FBN1: variants seen among roughly 807,000 people sequenced by gnomAD.
The protein encoded by FBN1 is fibrillin-1.
Under a neutral mutation model 365.1 loss-of-function variants are expected in FBN1, and 29 were observed. That is an observed-to-expected ratio of 0.08 (90% CI 0.06 to 0.11). The LOEUF is 0.11. Among genes scored for constraint, FBN1 ranks in the 10% least tolerant of loss-of-function variants. The pLI is 1.00. For missense variants in FBN1, 2,476 were observed against 3,703.2 expected (o/e 0.67, Z 8.60); for synonymous variants, 1,210 against 1,270.5 (o/e 0.95, Z 1.01).
intron 6 of FBN1, among the ~76,000 whole-genome samples, chr15:48,584,152 G>T (rs183342934): frequency 9.9e-5 from 15 of 152,208 alleles, no homozygotes; most frequent in Admixed American, 9.2e-4. Flanking sequence ...TGTATTATGT[G>T]CCAGATCCTG....
chr15:48,469,276 T>C (rs924749785), intron 36 of FBN1, among the ~76,000 whole-genome samples: 2 of 151,892 alleles, frequency 1.3e-5, no homozygotes, highest in African/African-American at 4.8e-5. Context: ...ATGTGGCTTG[T>C]TATTTCATCA....
In FBN1 at chr15:48,474,310, T is replaced by G; in HGVS notation, c.4155A>C (p.Gly1385=). 6.2e-7 allele frequency: 1 copy of G among 1,614,112 alleles called. No homozygotes were observed. The change falls in exon 34 of 66, where the codon GGA becomes GGC. Residue 1385 remains glycine (G), a synonymous_variant. Transcript: ENST00000316623. ...SQHADCKNTM[G]SYRCLCKEGY... ...CTTCCTTGCACAGACAGCGGTAAGA[T>G]CCCATGGTATTCTTGCAGTCTGCAT...
Position 48,470,768 on chromosome 15 carries a change from G to T in FBN1, c.4337-12C>A. On this transcript the variant is annotated splice_polypyrimidine_tract_variant and intron_variant, in intron 35 of 65. Coordinates refer to ENST00000316623, the MANE Select transcript of FBN1 (RefSeq NM_000138.5). Reference sequence around the variant, plus strand: ...GCACTCATCAATATCTTGGGGGGAGGGAGAAAAAAGCAAAAAACTTAACTT... The same window carrying T: ...GCACTCATCAATATCTTGGGGGGAGTGAGAAAAAAGCAAAAAACTTAACTT... 1.9e-6 allele frequency: 3 copies of T among 1,613,242 alleles called. No homozygotes were observed. The highest frequency in any genetic ancestry group is 2.5e-6 in the Non-Finnish European group (3 of 1,179,764).
intron 44 of FBN1, among the ~76,000 whole-genome samples, chr15:48,456,307 C>T (rs2043237701): frequency 1.3e-5 from 2 of 152,192 alleles, no homozygotes; most frequent in Admixed American, 1.3e-4. Flanking sequence ...ACTGTCCACT[C>T]ATACTGATTT....
intron 6 of FBN1, among the ~76,000 whole-genome samples, chr15:48,543,309 T>C (rs1821362894): frequency 6.6e-6 from 1 of 152,144 alleles, no homozygotes; most frequent in African/African-American, 2.4e-5. Flanking sequence ...CTGCAGCTTG[T>C]ATCTGAGTGG....
At chr15:48,474,477 G>T in intron 33 of FBN1, 51 bp downstream of exon 33, 1 of 1,613,664 alleles carries the variant, frequency 6.2e-7, no homozygotes. Context: ...ATTTTCATAT[G>T]TGTAATCTAT....
At chr15:48,579,558 A>T (rs925257916) in intron 6 of FBN1, among the ~76,000 whole-genome samples, 2 of 152,166 alleles carry the variant, frequency 1.3e-5, no homozygotes, top group African/African-American at 4.8e-5. Flanking sequence ...GGACATCTGG[A>T]ATAGCTCAGG....
chr15:48,516,525 C>T (rs1021683129), intron 10 of FBN1, among the ~76,000 whole-genome samples, 163 bp from the exon 11 acceptor site: 2 of 152,140 alleles, frequency 1.3e-5, no homozygotes, highest in Non-Finnish European at 2.9e-5. Flanking sequence ...TGACTGGATT[C>T]CCATTTTTAA....
chr15:48,488,453 G>A lies in FBN1; in HGVS notation c.3123C>T (p.His1041=), dbSNP rs576395584. The A allele has an allele frequency of 1.4e-5, 23 of 1,614,006 alleles. No individual in the cohort carries two copies. The highest frequency in any genetic ancestry group is 5.0e-5 in the Admixed American group (3 of 59,998). Residue 1041 remains histidine (H), a synonymous_variant, in exon 26 of 66, where the codon CAC becomes CAT. Coordinates refer to ENST00000316623, the MANE Select transcript of FBN1 (RefSeq NM_000138.5). ...ECKMIPSLCT[H]GKCRNTIGSF... ...TGCCAATGGTGTTTCTGCACTTGCC[G>A]TGGGTGCAGAGGCTGGGTATCATCT...
intron 50 of FBN1, among the ~76,000 whole-genome samples, chr15:48,441,075 A>G (rs1315873956): frequency 6.6e-6 from 1 of 152,208 alleles, no homozygotes; most frequent in Admixed American, 6.5e-5. Context: ...AGAAAAGTCT[A>G]AACAGTTTTC....
Position 48,472,640 on chromosome 15 carries a change from C to A in FBN1, c.4247G>T (p.Gly1416Val), listed in dbSNP as rs776586521. 2 of 1,614,068 alleles carry A rather than the reference C, an allele frequency of 1.2e-6. No individual in the cohort carries two copies. Among genetic ancestry groups the A allele is most frequent in the South Asian group, 1.1e-5 (1 of 91,090 alleles). The change falls in exon 35 of 66, where the codon GGC becomes GTC. Residue 1416 changes from glycine (G) to valine (V), a missense_variant. Transcript: ENST00000316623. Reference protein sequence around the residue: ...DECSENLNLCGNGQCLNAPGG... With the variant: ...DECSENLNLCVNGQCLNAPGG... ...TGGTGCATTGAGGCACTGGCCATTG[C>A]CACAGAGATTCAGGTTCTCAGAGCA...
At chr15:48,604,929 C>G (rs180993535) in intron 4 of FBN1, among the ~76,000 whole-genome samples, 1 of 152,274 alleles carries the variant, frequency 6.6e-6, no homozygotes, top group Admixed American at 6.5e-5. Flanking sequence ...ACAAATGCCC[C>G]AAACTCTTGC....
chr15:48,579,713 C>T (rs1179625030), intron 6 of FBN1, among the ~76,000 whole-genome samples: 1 of 152,172 alleles, frequency 6.6e-6, no homozygotes, highest in Non-Finnish European at 1.5e-5. Context: ...AGTGAAAAAG[C>T]TACTAAGTTA....
At chr15:48,528,286 A>C (rs1328898447) in intron 8 of FBN1, among the ~76,000 whole-genome samples, 2 of 152,232 alleles carry the variant, frequency 1.3e-5, no homozygotes, top group Non-Finnish European at 2.9e-5. Context: ...CATTGGCAGA[A>C]TGGGGGAAAC....
chr15:48,499,639 A>T (rs1201253991), intron 17 of FBN1, among the ~76,000 whole-genome samples: 1 of 152,226 alleles, frequency 6.6e-6, no homozygotes, highest in Non-Finnish European at 1.5e-5. Flanking sequence ...GTGAGATCAT[A>T]TTGAAAAAAC....
chr15:48,634,891 A>C (rs1890066424), intron 2 of FBN1, among the ~76,000 whole-genome samples: 1 of 149,580 alleles, frequency 6.7e-6, no homozygotes, highest in African/African-American at 2.5e-5. Context: ...ACACACACAC[A>C]CACACACACA....
rs541702535 is a variant in FBN1, at chr15:48,533,200, A to T, written c.862+880T>A. On this transcript the variant is annotated intron_variant, in intron 8 of 65. Transcript: ENST00000316623. ...CAGCATCTGTTTTCAATAAAAATGC[A>T]TCCATCTAAGTGAAACCTCAAGGTG... 6.6e-5 allele frequency among the ~76,000 whole-genome samples: 10 copies of T among 152,360 alleles called. No homozygotes were observed. The South Asian group carries it at 2.1e-3, about 32-fold the overall frequency.
intron 64 of FBN1, among the ~76,000 whole-genome samples, chr15:48,413,010 G>A (rs563859492): frequency 1.3e-5 from 2 of 152,294 alleles, no homozygotes; most frequent in Admixed American, 6.5e-5. Flanking sequence ...AACCTAACAT[G>A]GAAAGCATTT....
At position 48,644,670 on chromosome 15, in the gene FBN1, C is replaced by G. The variant is rs1365346856; in HGVS notation, c.100G>C (p.Val34Leu). The G allele has an allele frequency of 1.2e-6, 2 of 1,614,222 alleles. No homozygotes were observed. Among genetic ancestry groups the G allele is most frequent in the Non-Finnish European group, 1.7e-6 (2 of 1,180,038 alleles). The change falls in exon 2 of 66, where the codon GTG (valine) becomes CTG (leucine). Residue 34 changes from valine (V) to leucine (L), a missense_variant. Transcript: ENST00000316623. ...GADANLEAGN[V>L]KETRASRAKR... is the part of the protein sequence containing the mutation. ...GCCCGACTGGCTCTGGTTTCCTTCACGTTCCCAGCCTCCAAATTGGCGTCC... is the reference window on the plus strand; with the variant it reads ...GCCCGACTGGCTCTGGTTTCCTTCAGGTTCCCAGCCTCCAAATTGGCGTCC...
Sources: gnomAD v4.1 joint callset for allele counts (sites outside exome capture counted in the v4.1 genomes callset) on GRCh38, gnomAD v4.1.1 for gene constraint, MANE v1.5 for transcripts, NCBI Gene and HGNC (gene_info 2026-07-23, HGNC 2026-07-21) for gene names.